Variants in KLF12 observed in about 807,000 individuals in gnomAD.
KLF12 encodes the protein KLF transcription factor 12, also known as Krueppel-like factor 12.
KLF12 carries 9 observed loss-of-function variants against 37.8 expected under a neutral mutation model. The ratio of observed to expected loss-of-function variants is 0.24; its 90% confidence interval spans 0.14 to 0.42. The LOEUF (loss-of-function observed/expected upper bound fraction) is 0.42. KLF12 is among the 10% of genes least tolerant of loss of function. KLF12 has a pLI of 1.00. For synonymous variants in KLF12, 208 were observed against 202.1 expected, an observed-to-expected ratio of 1.03 and a Z score of -0.25; for missense variants, 411 against 516.0, an observed-to-expected ratio of 0.80 and a Z score of 1.97.
intron 5 of KLF12, among the ~76,000 whole-genome samples, chr13:73,795,207 C>T (rs1881894996): frequency 6.6e-6 from 1 of 152,170 alleles, no homozygotes; most frequent in African/African-American, 2.4e-5. Context: ...ACACTGACTG[C>T]TGATTTTTGG....
chr13:74,151,854 C>T, the KLF12 span, among the ~76,000 whole-genome samples: 1 of 152,102 alleles, frequency 6.6e-6, no homozygotes, highest in Non-Finnish European at 1.5e-5. Context: ...TCTTTAAGTG[C>T]TGGTGAAAGT....
chr13:74,195,971 A>G, the KLF12 span, among the ~76,000 whole-genome samples: 4 of 152,218 alleles, frequency 2.6e-5, no homozygotes, highest in Non-Finnish European at 5.9e-5. Flanking sequence ...GAAAAACTCA[A>G]AAAATGTATT....
chr13:73,952,010 G>A (rs2094987096), intron 2 of KLF12, among the ~76,000 whole-genome samples: 1 of 152,218 alleles, frequency 6.6e-6, no homozygotes, highest in South Asian at 2.1e-4. Context: ...TAGGAGATAA[G>A]CTTGTTGTTG....
intron 3 of KLF12, among the ~76,000 whole-genome samples, chr13:73,861,966 G>T (rs1283292859): frequency 1.3e-5 from 2 of 151,548 alleles, no homozygotes; most frequent in African/African-American, 2.4e-5. Context: ...GTGTCTACGT[G>T]TTCCTAGCCC....
At chr13:73,841,730 G>A (rs1057064841) in intron 4 of KLF12, among the ~76,000 whole-genome samples, 32 of 152,212 alleles carry the variant, frequency 2.1e-4, no homozygotes, top group African/African-American at 6.3e-4. Context: ...GACAAAAACC[G>A]CAATTACTTT....
the KLF12 span, among the ~76,000 whole-genome samples, chr13:74,293,506 T>C: frequency 2.0e-5 from 3 of 152,260 alleles, no homozygotes; most frequent in Non-Finnish European, 4.4e-5. Flanking sequence ...TTAATATGCA[T>C]ATGTATGAAA....
chr13:73,707,271 A>G (rs1047042487), intron 7 of KLF12, among the ~76,000 whole-genome samples: 1 of 152,184 alleles, frequency 6.6e-6, no homozygotes, highest in African/African-American at 2.4e-5. Context: ...TGTGATGAGT[A>G]TATGTAAAGC....
intron 5 of KLF12, among the ~76,000 whole-genome samples, chr13:73,768,235 C>T (rs893940635): frequency 6.6e-6 from 1 of 152,034 alleles, no homozygotes; most frequent in African/African-American, 2.4e-5. Context: ...CCTAGGGCTG[C>T]GAGGTTTAAA....
intron 1 of KLF12, among the ~76,000 whole-genome samples, chr13:74,097,078 G>A (rs542835733): frequency 2.6e-4 from 40 of 152,186 alleles, no homozygotes; most frequent in African/African-American, 7.5e-4. Flanking sequence ...CCTAGCTCAC[G>A]TTGCAGTATA....
intron 1 of KLF12, among the ~76,000 whole-genome samples, chr13:74,132,295 T>C (rs1306086675): frequency 2.0e-5 from 3 of 152,124 alleles, no homozygotes; most frequent in African/African-American, 7.2e-5. Flanking sequence ...AACAACTCTA[T>C]CGTCCAGTAA....
At chr13:74,138,472 C>T (rs926144671), upstream of KLF12, among the ~76,000 whole-genome samples, 1 of 152,192 alleles carries the variant, frequency 6.6e-6, no homozygotes, top group African/African-American at 2.4e-5. Flanking sequence ...ATGTAAAAGC[C>T]TTCCTATAAC....
intron 2 of KLF12, among the ~76,000 whole-genome samples, chr13:73,959,114 AC>A (rs1360416577): frequency 6.9e-6 from 1 of 144,966 alleles, no homozygotes; most frequent in South Asian, 2.2e-4. Flanking sequence ...TGACCTCCAC[AC>A]CCCCCTTCCA....
chr13:73,936,291 T>C (rs1385176308), intron 3 of KLF12, among the ~76,000 whole-genome samples: 1 of 152,152 alleles, frequency 6.6e-6, no homozygotes, highest in Non-Finnish European at 1.5e-5. Context: ...CTTTCAATGC[T>C]TGTTTCTAAG....
chr13:74,291,642 A>G, the KLF12 span, among the ~76,000 whole-genome samples: 1 of 152,234 alleles, frequency 6.6e-6, no homozygotes, highest in African/African-American at 2.4e-5. Context: ...AACCGGCAGA[A>G]AAAGACTAGA....
intron 1 of KLF12, among the ~76,000 whole-genome samples, chr13:74,042,758 TCAGA>T (rs1893441470): frequency 6.6e-6 from 1 of 152,230 alleles, no homozygotes; most frequent in Admixed American, 6.5e-5. Context: ...TGTCATTCAA[TCAGA>T]CAGATAAGAT....
At chr13:73,709,994 T>TTTA (rs1356845502) in intron 7 of KLF12, among the ~76,000 whole-genome samples, 4 of 152,206 alleles carry the variant, frequency 2.6e-5, no homozygotes, top group Non-Finnish European at 5.9e-5. Context: ...GTCATTTCAA[T>TTTA]TTATTAGAAT....
At chr13:73,969,489 C>T (rs1308946674) in intron 2 of KLF12, among the ~76,000 whole-genome samples, 1 of 152,208 alleles carries the variant, frequency 6.6e-6, no homozygotes, top group East Asian at 1.9e-4. Context: ...CTACAATGAG[C>T]TTACCTTGGA....
chr13:73,889,694 A>G (rs975024812), intron 3 of KLF12, among the ~76,000 whole-genome samples: 3 of 152,140 alleles, frequency 2.0e-5, no homozygotes, highest in African/African-American at 4.8e-5. Flanking sequence ...CACATTTTAT[A>G]TATTTTTAAA....
At chr13:73,819,326 T>C (rs1883401022) in intron 4 of KLF12, among the ~76,000 whole-genome samples, 1 of 152,216 alleles carries the variant, frequency 6.6e-6, no homozygotes, top group South Asian at 2.1e-4. Context: ...CATTCCATTT[T>C]ACCCTGACAG....
Sources: allele counts gnomAD v4.1 joint callset (sites outside exome capture counted in the v4.1 genomes callset), GRCh38; gene constraint gnomAD v4.1.1; transcripts MANE v1.5; gene names NCBI Gene and HGNC (gene_info 2026-07-23, HGNC 2026-07-21).